Variants in DEF8 observed in about 807,000 individuals in gnomAD.
The protein encoded by DEF8 is DEF-8.
Under a neutral mutation model 59.1 loss-of-function variants are expected in DEF8, and 38 were observed. The ratio of observed to expected loss-of-function variants is 0.64; its 90% CI spans 0.50 to 0.84. DEF8 has a LOEUF of 0.84. Ranked by LOEUF, DEF8 falls within the 40% of genes least tolerant of loss-of-function variation. The probability of loss-of-function intolerance (pLI) is 0.00; values close to 1 mark genes in which losing one functional copy is unlikely to be tolerated. For synonymous variants in DEF8, 265 were observed against 250.1 expected (o/e 1.06, Z -0.56); for missense variants, 557 against 615.2 (o/e 0.91, Z 1.00).
At chr16:89,952,661 G>C (rs2032387321) in intron 2 of DEF8, 1 of 152,412 alleles carries the variant, frequency 6.6e-6, no homozygotes, top group African/African-American at 2.4e-5. Flanking sequence ...CTCTGACTCT[G>C]TGACCCACCC....
intron 2 of DEF8, 66 bp downstream of exon 2, chr16:89,949,579 A>G: frequency 1.2e-6 from 2 of 1,613,260 alleles, no homozygotes; most frequent in Non-Finnish European, 1.7e-6. Flanking sequence ...TCGGGGTGGC[A>G]GCTGCAGTGA....
intron 12 of DEF8, among the ~76,000 whole-genome samples, chr16:89,965,223 G>C (rs1340368977): frequency 6.6e-6 from 1 of 152,152 alleles, no homozygotes; most frequent in African/African-American, 2.4e-5. Context: ...ACTTACTAAT[G>C]ATATGGGTAC....
In DEF8 at chr16:89,961,752, A is replaced by T; in HGVS notation, c.695A>T (p.Glu232Val). 6.2e-7 allele frequency: 1 copy of T among 1,613,502 alleles called. No homozygotes were observed. The highest frequency in any genetic ancestry group is 8.5e-7 in the Non-Finnish European group (1 of 1,179,992). ...APISLRGVPS[E>V]ARQCDYTGQY... Reference sequence around the variant, plus strand: ...GACCCTGCAGGGGGTGTGCCCAGTGAGGCCAGGCAGTGCGACTACACCGGC... The same window carrying T: ...GACCCTGCAGGGGGTGTGCCCAGTGTGGCCAGGCAGTGCGACTACACCGGC... Residue 232 changes from glutamate (E) to valine (V), a missense_variant, in exon 8 of 13, where the codon GAG becomes GTG. By Grantham distance (121) the Glu-to-Val change is moderately radical. Transcript: ENST00000563594.
chr16:89,963,769 G>T, intron 10 of DEF8: 1 of 497,400 alleles, frequency 2.0e-6, no homozygotes, highest in Non-Finnish European at 3.7e-6. Flanking sequence ...TCTAGATTCT[G>T]GAACAGTGAA....
At chr16:89,963,310 G>A (rs755618328) in intron 9 of DEF8, 53 bp from the exon 10 acceptor site, 35 of 1,555,880 alleles carry the variant, frequency 2.2e-5, no homozygotes, top group Non-Finnish European at 3.1e-5. Context: ...CCCACACAGG[G>A]GCCGCCCTGT....
intron 6 of DEF8, 98 bp from the exon 7 acceptor site, chr16:89,960,833 G>A: frequency 7.6e-7 from 1 of 1,316,138 alleles, no homozygotes; most frequent in East Asian, 2.3e-5. Flanking sequence ...CTGGGCCTCA[G>A]AGTGGAACCC....
chr16:89,948,846 C>G (rs1380020940), intron 1 of DEF8, 32 bp downstream of exon 1: 2 of 790,670 alleles, frequency 2.5e-6, no homozygotes, highest in South Asian at 5.4e-5. Flanking sequence ...GGGTCGGGGC[C>G]GGCGGGGACG....
chr16:89,965,831 C>A, intron 12 of DEF8, 30 bp from the exon 13 acceptor site: 1 of 1,508,868 alleles, frequency 6.6e-7, no homozygotes, highest in Non-Finnish European at 9.2e-7. Context: ...GTTTCCTGTG[C>A]AGAGAGCCCC....
chr16:89,965,736 C>A, intron 12 of DEF8, 125 bp from the exon 13 acceptor site: 1 of 618,914 alleles, frequency 1.6e-6, no homozygotes, highest in Non-Finnish European at 2.8e-6. Flanking sequence ...CATCTGGCTG[C>A]AGACTCCGAC....
chr16:89,967,711 A>G lies in DEF8; in HGVS notation c.*1748A>G, dbSNP rs150397471. On this transcript the variant is annotated 3_prime_UTR_variant, in exon 13 of 13. Transcript: ENST00000563594. Reference sequence around the variant, plus strand: ...TGCATCACATTTCTGTCATATGGATATTAGCCATTCCGAAATCTGTGTAAT... The same window carrying G: ...TGCATCACATTTCTGTCATATGGATGTTAGCCATTCCGAAATCTGTGTAAT... 2.4e-5 allele frequency: 9 copies of G among 381,444 alleles called. No homozygotes were observed. Among genetic ancestry groups the G allele is most frequent in the African/African-American group, 1.7e-4 (8 of 48,376 alleles). 23.6% of individuals were successfully genotyped at this position (381,444 alleles called of 1,614,324 possible). A position where few individuals can be genotyped will look rare whatever the true frequency, so the allele number is the denominator to read the frequency against.
At chr16:89,959,369 G>GTGT (rs972987151) in intron 6 of DEF8, 47 of 1,433,384 alleles carry the variant, frequency 3.3e-5, no homozygotes, top group Non-Finnish European at 4.3e-5. Flanking sequence ...GAATTACATG[G>GTGT]TGTGTCTAGT....
At chr16:89,957,425 G>A in intron 4 of DEF8, 86 bp from the exon 5 acceptor site, 1 of 1,434,254 alleles carries the variant, frequency 7.0e-7, no homozygotes, top group East Asian at 2.5e-5. Context: ...GTCGGGGTCT[G>A]CTCTGGGCCT....
rs200129378 is a variant in DEF8 at position 89,964,246 on chromosome 16, G to A, written c.1079G>A (p.Arg360His). ...VQDLLDVHAG[R>H]LGCSLTEIHT... Reference sequence around the variant, plus strand: ...GACCTCCTGGACGTGCATGCCGGCCGCCTGGGCTGCTCGCTCACCGAGATC... The same window carrying A: ...GACCTCCTGGACGTGCATGCCGGCCACCTGGGCTGCTCGCTCACCGAGATC... The change falls in exon 11 of 13, where the codon CGC becomes CAC. Residue 360 changes from arginine (R) to histidine (H), a missense_variant. Transcript: ENST00000563594. The A allele has an allele frequency of 9.5e-6, 14 of 1,480,844 alleles. No individual in the cohort carries two copies. The highest frequency in any genetic ancestry group is 2.7e-5 in the South Asian group (2 of 74,294). The allele number at this position is 1,480,844 out of a possible 1,614,324, so 91.7% of individuals were successfully genotyped here. A position where few individuals can be genotyped will look rare whatever the true frequency, so the allele number is the denominator to read the frequency against.
At chr16:89,949,659 C>T (rs571215595) in intron 2 of DEF8, 146 bp downstream of exon 2, 1 of 1,594,352 alleles carries the variant, frequency 6.3e-7, no homozygotes, top group South Asian at 1.1e-5. Context: ...CCCGCGTGTC[C>T]TGAGCTTCGG....
chr16:89,963,547 T>G lies in DEF8; in HGVS notation c.1002+104T>G, dbSNP rs1186079200. On this transcript the variant is annotated intron_variant, in intron 10 of 12. Transcript: ENST00000563594. ...GGACAGCTTGTGCGTGGAGTGCCTTTAGCAGAGGGTCGCCTCACCACGGTC... is the reference window on the plus strand; with the variant it reads ...GGACAGCTTGTGCGTGGAGTGCCTTGAGCAGAGGGTCGCCTCACCACGGTC... The G allele has an allele frequency of 3.4e-6, 3 of 895,168 alleles. No individual in the cohort carries two copies. In the African/African-American group the frequency reaches 5.0e-5, roughly 15 times the overall value. 55.5% of individuals were successfully genotyped at this position (895,168 alleles called of 1,614,324 possible). A position where few individuals can be genotyped will look rare whatever the true frequency, so the allele number is the denominator to read the frequency against.
At chr16:89,957,349 C>T in intron 4 of DEF8, 162 bp from the exon 5 acceptor site, 2 of 727,920 alleles carry the variant, frequency 2.7e-6, no homozygotes, top group East Asian at 5.8e-5. Context: ...CGTGCTGCCA[C>T]CTTTCCTGCC....
In DEF8 at chr16:89,954,220, T is replaced by C. The variant is rs371211601; in HGVS notation, c.-10-23T>C. The stretch of plus-strand genomic sequence containing the variant: ...GGTGAGCCTGGTACCTGGGGACTCA[T>C]CCTGGCCCTGCCTGGCCCTCAGGTG... On this transcript the variant is annotated intron_variant, in intron 2 of 12. Coordinates refer to ENST00000563594, the MANE Select transcript of DEF8 (RefSeq NM_001242818.2). This position sits in a 1 kb window ranked among gnomAD's most constrained non-coding sequence, Gnocchi z 4.3. 6.2e-7 allele frequency: 1 copy of C among 1,608,392 alleles called. No homozygotes were observed. The highest frequency in any genetic ancestry group is 1.3e-5 in the African/African-American group (1 of 74,832).
chr16:89,956,526 T>C (rs2033230644), intron 4 of DEF8: 1 of 151,946 alleles, frequency 6.6e-6, no homozygotes, highest in Admixed American at 6.6e-5. Flanking sequence ...TTTCTTGAGA[T>C]AAGGTCTCGC....
intron 10 of DEF8, chr16:89,963,664 A>C: frequency 6.9e-5 from 39 of 566,914 alleles, no homozygotes; most frequent in Non-Finnish European, 6.6e-5. Context: ...GTGAATCTCC[A>C]TGGGGTGGGT....
Sources: gnomAD v4.1 joint callset for allele counts (sites outside exome capture counted in the v4.1 genomes callset) on GRCh38, gnomAD v4.1.1 for gene constraint, Gnocchi (gnomAD v3.1) non-coding constraint, MANE v1.5 for transcripts, NCBI Gene and HGNC (gene_info 2026-07-23, HGNC 2026-07-21) for gene names.